The following TTC4 variants were observed in gnomAD, a reference collection of about 807,000 sequenced individuals.
TTC4 encodes the protein hsp70/Hsp90 co-chaperone CNS1 homolog.
A neutral mutation model predicts 51.9 loss-of-function variants in TTC4; 36 were observed. The ratio of observed to expected loss-of-function variants is 0.69; its 90% CI spans 0.53 to 0.92. The LOEUF (loss-of-function observed/expected upper bound fraction) is 0.92, where lower values mean the gene tolerates loss of function less well. TTC4 is among the 40% of genes least tolerant of loss of function. The pLI is 0.00. For missense variants in TTC4, 399 were observed against 454.6 expected (o/e 0.88, Z 1.11); for synonymous variants, 144 against 164.2 (o/e 0.88, Z 0.94).
chr1:54,721,131 CTT>C, intron 3 of TTC4, 30 bp from the exon 4 acceptor site: 2 of 1,608,144 alleles, frequency 1.2e-6, no homozygotes, highest in South Asian at 2.2e-5. Context: ...GATCTCAAAA[CTT>C]CTCTCTTTTA....
At chr1:54,723,339 T>A (rs896591778) in intron 5 of TTC4, among the ~76,000 whole-genome samples, 1 of 152,214 alleles carries the variant, frequency 6.6e-6, no homozygotes, top group East Asian at 1.9e-4. Flanking sequence ...TCAATCTGAA[T>A]GGAGACACGT....
intron 5 of TTC4, among the ~76,000 whole-genome samples, chr1:54,725,658 ACAAAGACTTTAAACCAGC>A (rs1645791166): frequency 6.6e-6 from 1 of 152,228 alleles, no homozygotes; most frequent in Admixed American, 6.5e-5. Context: ...GACTTACTAG[ACAAAGACTTTAAACCAGC>A]TAATTTAAAT....
chr1:54,740,786 C>T (rs781609476), intron 9 of TTC4, among the ~76,000 whole-genome samples: 1 of 152,168 alleles, frequency 6.6e-6, no homozygotes, highest in Non-Finnish European at 1.5e-5. Context: ...GCCTGCCTGA[C>T]TCCTTTTGCT....
At position 54,731,589 on chromosome 1, in the gene TTC4, A is replaced by G. The variant is rs772740794; in HGVS notation, c.785A>G (p.His262Arg). The G allele has an allele frequency of 6.8e-6, 11 of 1,614,136 alleles. No individual in the cohort carries two copies. The highest frequency in any genetic ancestry group is 4.4e-5 in the South Asian group (4 of 91,078). ...GATGGACTCAGCACTGAGAACCCCCATGGAGCCAGGCTGAGTCTAGATGGC... is the reference window on the plus strand; with the variant it reads ...GATGGACTCAGCACTGAGAACCCCCGTGGAGCCAGGCTGAGTCTAGATGGC... The part of the protein sequence containing the change: ...FLDGLSTENP[H>R]GARLSLDGQG... Residue 262 changes from histidine to arginine, a missense_variant, in exon 7 of 10, where the codon CAT becomes CGT. Coordinates refer to ENST00000371281, the MANE Select transcript of TTC4 (RefSeq NM_004623.5).
At chr1:54,724,064 G>T (rs1315338386) in intron 5 of TTC4, among the ~76,000 whole-genome samples, 1 of 152,152 alleles carries the variant, frequency 6.6e-6, no homozygotes. Flanking sequence ...ATTAAAGGGA[G>T]ATTTCAAGGC....
rs1645690408 is a variant in TTC4, at chr1:54,717,503, AC to A, written c.243del (p.Tyr82IlefsTer18). 6.3e-7 allele frequency: 1 copy of A among 1,592,938 alleles called. No individual in the cohort carries two copies. The highest frequency in any genetic ancestry group is 8.5e-7 in the Non-Finnish European group (1 of 1,172,710). On this transcript the variant is annotated frameshift_variant, in exon 3 of 10. Transcript: ENST00000371281. LOFTEE classifies it high-confidence loss of function. The part of the protein sequence containing the change: ...EERSPEEQAK[T>X]YKDEGNDYFK... ...CCTCTTCTTTGCAGAACAGGCCAAGACCTATAAAGATGAGGGCAATGATTAC... is the reference window on the plus strand; with the variant it reads ...CCTCTTCTTTGCAGAACAGGCCAAGACTATAAAGATGAGGGCAATGATTAC...
intron 6 of TTC4, among the ~76,000 whole-genome samples, chr1:54,730,656 G>GCA (rs1234322440): frequency 1.3e-5 from 2 of 152,066 alleles, no homozygotes; most frequent in Non-Finnish European, 2.9e-5. Context: ...AGGCACCCCT[G>GCA]CACACTTACA....
At chr1:54,723,981 T>A (rs865782152) in intron 5 of TTC4, among the ~76,000 whole-genome samples, 3 of 152,278 alleles carry the variant, frequency 2.0e-5, no homozygotes, top group Admixed American at 1.3e-4. Context: ...CCTAGGTAAT[T>A]GGGTATGGCC....
chr1:54,722,520 T>C (rs1645754451), intron 4 of TTC4, among the ~76,000 whole-genome samples, 155 bp from the exon 5 acceptor site: 1 of 152,186 alleles, frequency 6.6e-6, no homozygotes, highest in Non-Finnish European at 1.5e-5. Context: ...CAAAAAGTAT[T>C]CTCCCTTGTC....
Position 54,741,478 on chromosome 1 carries a change from T to G in TTC4, c.1129T>G (p.Phe377Val), listed in dbSNP as rs768440114. ...CVGSSPFCKN[F>V]LRGRKVYQIR ...AGGATCCTCTCCTTTTTGCAAGAAT[T>G]TTCTCCGGGGGAGAAAGGTGTACCA... The change falls in exon 10 of 10, where the codon TTT becomes GTT. Residue 377 changes from phenylalanine (F) to valine (V), a missense_variant. By Grantham distance (50) the Phe-to-Val change is conservative. This residue lies in a region of TTC4 where 64 missense variants were observed against 61.3 expected (regional missense o/e 1.04). Coordinates refer to ENST00000371281, the MANE Select transcript of TTC4 (RefSeq NM_004623.5). The G allele has an allele frequency of 6.2e-7, 1 of 1,614,010 alleles. No individual in the cohort carries two copies. The highest frequency in any genetic ancestry group is 1.3e-5 in the African/African-American group (1 of 74,912).
At chr1:54,726,672 A>C (rs186161491) in intron 5 of TTC4, among the ~76,000 whole-genome samples, 57 of 152,358 alleles carry the variant, frequency 3.7e-4, no homozygotes, top group Admixed American at 5.9e-4. Context: ...TTGTTGAAAG[A>C]AATTAAAGAA....
intron 5 of TTC4, among the ~76,000 whole-genome samples, chr1:54,726,467 T>G (rs1645800857): frequency 6.6e-6 from 1 of 152,202 alleles, no homozygotes; most frequent in Non-Finnish European, 1.5e-5. Context: ...TAAAAAACTC[T>G]TGGAACTAAG....
At chr1:54,736,149 G>GCTC (rs1645929298) in intron 8 of TTC4, among the ~76,000 whole-genome samples, 1 of 141,976 alleles carries the variant, frequency 7.0e-6, no homozygotes, top group Non-Finnish European at 1.5e-5. Context: ...CACAGCTTGG[G>GCTC]GGAGAAAGAG....
rs11443027 is a variant in TTC4 at position 54,722,129 on chromosome 1, A to ATTT, written c.470-531_470-529dup. On this transcript the variant is annotated intron_variant, in intron 4 of 9. Coordinates refer to ENST00000371281, the MANE Select transcript of TTC4 (RefSeq NM_004623.5). The stretch of plus-strand genomic sequence containing the variant: ...AGAAAAATGTACATGATAACATGAA[A>ATTT]TTTTTTTTTTTTTTTTTGATGGGGG... Among the ~76,000 whole-genome samples the ATTT allele has an allele frequency of 2.0e-4, 30 of 147,068 alleles. No individual in the cohort carries two copies. The East Asian group carries it at 3.8e-3, about 19-fold the overall frequency.
intron 5 of TTC4, among the ~76,000 whole-genome samples, chr1:54,724,214 C>T (rs1645775230): frequency 6.6e-6 from 1 of 151,950 alleles, no homozygotes; most frequent in Non-Finnish European, 1.5e-5. Flanking sequence ...TAATATCAGA[C>T]AGAGTAGACT....
intron 3 of TTC4, among the ~76,000 whole-genome samples, chr1:54,719,435 T>C (rs970843826): frequency 6.7e-6 from 1 of 148,852 alleles, no homozygotes; most frequent in African/African-American, 2.4e-5. Context: ...GTGTTCTGTG[T>C]TCTTCTCATT....
intron 6 of TTC4, among the ~76,000 whole-genome samples, chr1:54,729,727 GT>G (rs71870069): frequency 4.1e-4 from 59 of 144,490 alleles, no homozygotes; most frequent in Admixed American, 5.5e-4. Flanking sequence ...TATGGGATAG[GT>G]TTTTTTTTTT....
Position 54,731,512 on chromosome 1 carries a change from T to C in TTC4, c.708T>C (p.Ala236=). The change falls in exon 7 of 10, where the codon GCT becomes GCC. Residue 236 remains alanine (A), a synonymous_variant. Transcript: ENST00000371281. ...IKARNIRLSE[A]ACEDEDSASE... is the part of the protein sequence containing the mutation. The stretch of plus-strand genomic sequence containing the variant: ...CTAGGAATATCAGGCTCTCAGAAGC[T>C]GCCTGTGAGGATGAAGATTCAGCCT... 1 of 1,613,932 alleles carries C rather than the reference T, an allele frequency of 6.2e-7. No homozygotes were observed. The highest frequency in any genetic ancestry group is 1.7e-4 in the Middle Eastern group (1 of 6,056).
At chr1:54,738,701 A>G (rs1247472922) in intron 9 of TTC4, among the ~76,000 whole-genome samples, 1 of 144,162 alleles carries the variant, frequency 6.9e-6, no homozygotes, top group African/African-American at 2.7e-5. Context: ...TCTGTCACCC[A>G]GGCTGGAGTG....
Sources: allele counts gnomAD v4.1 joint callset (sites outside exome capture counted in the v4.1 genomes callset), GRCh38; gene constraint gnomAD v4.1.1; regional missense constraint gnomAD v4.1.1; transcripts MANE v1.5; gene names NCBI Gene and HGNC (gene_info 2026-07-23, HGNC 2026-07-21).